Variants in PARD3B observed in about 807,000 individuals in gnomAD.
PARD3B encodes the protein par-3 family cell polarity regulator beta, also known as partitioning defective 3 homolog B.
PARD3B carries 103 observed loss-of-function variants against 130.2 expected under a neutral mutation model. The ratio of observed to expected loss-of-function variants is 0.79; its 90% CI spans 0.67 to 0.93. The LOEUF (loss-of-function observed/expected upper bound fraction) is 0.93, where lower values mean the gene tolerates loss of function less well. Among genes scored for constraint, PARD3B ranks in the 40% least tolerant of loss-of-function variants. PARD3B has a pLI of 0.00. For synonymous variants in PARD3B, 583 were observed against 553.2 expected (o/e 1.05, Z -0.76); for missense variants, 1,609 against 1,499.2 (o/e 1.07, Z -1.21).
chr2:204,883,414 TATA>T (rs1306363128), intron 2 of PARD3B, among the ~76,000 whole-genome samples: 1 of 116,890 alleles, frequency 8.6e-6, no homozygotes, highest in African/African-American at 3.5e-5. Context: ...ATTATATATA[TATA>T]ATATATATAT....
chr2:204,966,679 G>C (rs1472188917), intron 3 of PARD3B, among the ~76,000 whole-genome samples: 1 of 152,112 alleles, frequency 6.6e-6, no homozygotes, highest in Non-Finnish European at 1.5e-5. Flanking sequence ...AGGGAAAAAA[G>C]ATTGTTTTCT....
At chr2:205,603,386 T>G (rs2054864809) in intron 22 of PARD3B, among the ~76,000 whole-genome samples, 1 of 152,192 alleles carries the variant, frequency 6.6e-6, no homozygotes, top group Non-Finnish European at 1.5e-5. Flanking sequence ...CAGATCCAAG[T>G]TCGAGTCCTG....
chr2:204,830,041 C>A (rs1267965353), intron 2 of PARD3B, among the ~76,000 whole-genome samples: 2 of 150,866 alleles, frequency 1.3e-5, no homozygotes, highest in African/African-American at 2.5e-5. Context: ...GCACTTCTCC[C>A]TTAGTGTGCT....
Position 204,986,541 on chromosome 2 carries a change from C to G in PARD3B, c.394+21218C>G, listed in dbSNP as rs190000384. Among the ~76,000 whole-genome samples, 7 of 152,290 alleles carry G rather than the reference C, an allele frequency of 4.6e-5. No homozygotes were observed. In the East Asian group the frequency reaches 1.4e-3, roughly 29 times the overall value. On this transcript the variant is annotated intron_variant, in intron 3 of 22. Transcript: ENST00000406610. ...TCCCTCAGATGGTGACATCCAACAA[C>G]TAGTTATTGTCTTTAGCCAGTTTAT...
At chr2:204,978,877 T>C (rs367545513) in intron 3 of PARD3B, among the ~76,000 whole-genome samples, 1 of 149,760 alleles carries the variant, frequency 6.7e-6, no homozygotes, top group South Asian at 2.1e-4. Flanking sequence ...GGCAAGAGAA[T>C]TGCTTGAACC....
chr2:204,976,518 G>A (rs954556858), intron 3 of PARD3B, among the ~76,000 whole-genome samples: 1 of 151,428 alleles, frequency 6.6e-6, no homozygotes, highest in Non-Finnish European at 1.5e-5. Context: ...ATATAAATCT[G>A]CTAGTCACTG....
intron 2 of PARD3B, among the ~76,000 whole-genome samples, chr2:204,826,306 TTA>T: frequency 6.6e-6 from 1 of 152,328 alleles, no homozygotes; most frequent in South Asian, 2.1e-4. Context: ...TGTTTGGGAC[TTA>T]ATACTCAGAG....
At chr2:205,217,858 GTGTGTGTGTGTATATA>G (rs2038013575) in intron 15 of PARD3B, among the ~76,000 whole-genome samples, 2 of 83,652 alleles carry the variant, frequency 2.4e-5, no homozygotes, top group South Asian at 3.9e-4. Flanking sequence ...GTGTGTGTGT[GTGTGTGTGTGTATATA>G]TATATATATA....
chr2:204,932,575 A>C (rs1341328796), intron 2 of PARD3B, among the ~76,000 whole-genome samples: 3 of 152,166 alleles, frequency 2.0e-5, no homozygotes, highest in Non-Finnish European at 4.4e-5. Flanking sequence ...AAATGCAAAA[A>C]GGGAGTTTTT....
At chr2:204,617,550 C>G (rs879389657) in intron 1 of PARD3B, among the ~76,000 whole-genome samples, 3 of 151,312 alleles carry the variant, frequency 2.0e-5, no homozygotes, top group Admixed American at 2.0e-4. Context: ...ATTTTTTTTT[C>G]TTTTTTTAAA....
chr2:205,538,939 C>G (rs1476894269), intron 21 of PARD3B, among the ~76,000 whole-genome samples: 1 of 152,116 alleles, frequency 6.6e-6, no homozygotes, highest in Non-Finnish European at 1.5e-5. Context: ...TAACAGTCAT[C>G]TGAGTGGGTA....
rs1412729395 is a variant in PARD3B, at chr2:205,558,890, GC to G, written c.3260+5490del. 6.6e-6 allele frequency among the ~76,000 whole-genome samples: 1 copy of G among 151,986 alleles called. No homozygotes were observed. ...AGCATTTACTTAGCACCTTCCCAGT[GC>G]CCTAAAAACACCCTGAATTGGATTA... On this transcript the variant is annotated intron_variant, in intron 22 of 22. Transcript: ENST00000406610. The surrounding 1 kb of genome is among the most constrained non-coding windows in gnomAD (Gnocchi z 4.8).
chr2:205,462,768 T>C (rs1480743765), intron 20 of PARD3B, among the ~76,000 whole-genome samples: 1 of 152,184 alleles, frequency 6.6e-6, no homozygotes, highest in Admixed American at 6.5e-5. Context: ...ATATAATGTA[T>C]GCAATCTGGA....
intron 3 of PARD3B, among the ~76,000 whole-genome samples, chr2:204,976,582 C>T (rs576935542): frequency 2.0e-5 from 3 of 149,140 alleles, no homozygotes; most frequent in African/African-American, 7.4e-5. Flanking sequence ...AATAAAAAAA[C>T]TCCATGTATT....
chr2:204,867,154 T>C (rs1053768983), intron 2 of PARD3B, among the ~76,000 whole-genome samples: 30 of 150,668 alleles, frequency 2.0e-4, no homozygotes, highest in African/African-American at 7.3e-4. Context: ...CATTTGTTGA[T>C]TTTTTTTTTC....
At chr2:204,747,001 T>G (rs943558180) in intron 2 of PARD3B, among the ~76,000 whole-genome samples, 5 of 152,332 alleles carry the variant, frequency 3.3e-5, no homozygotes, top group East Asian at 3.9e-4. Flanking sequence ...ATTTGTCAAT[T>G]TTGGCTTTTG....
intron 15 of PARD3B, among the ~76,000 whole-genome samples, chr2:205,219,497 A>T (rs2038122772): frequency 6.6e-6 from 1 of 152,208 alleles, no homozygotes; most frequent in African/African-American, 2.4e-5. Flanking sequence ...TTGCATATTA[A>T]ACAGATGATA....
intron 4 of PARD3B, chr2:205,103,797 T>C: frequency 1.0e-6 from 1 of 952,766 alleles, no homozygotes; most frequent in South Asian, 4.9e-5. Flanking sequence ...TTTTCCACTG[T>C]CCTGGAGTAC....
At chr2:204,962,921 A>C (rs947920974) in intron 2 of PARD3B, among the ~76,000 whole-genome samples, 3 of 152,124 alleles carry the variant, frequency 2.0e-5, no homozygotes, top group Non-Finnish European at 4.4e-5. Flanking sequence ...AGATTTGGGG[A>C]GCATCAGGTC....
Sources: gnomAD v4.1 joint callset for allele counts (sites outside exome capture counted in the v4.1 genomes callset) on GRCh38, gnomAD v4.1.1 for gene constraint, Gnocchi (gnomAD v3.1) non-coding constraint, MANE v1.5 for transcripts, NCBI Gene and HGNC (gene_info 2026-07-23, HGNC 2026-07-21) for gene names.